The following BDKRB2 variants were observed in gnomAD, a reference collection of about 807,000 sequenced individuals.
BDKRB2 encodes the protein B2 bradykinin receptor.
BDKRB2 carries 6 observed loss-of-function variants against 4.0 expected under a neutral mutation model. That is an observed-to-expected ratio of 1.49 (90% confidence interval 0.81 to 2.93). BDKRB2 has a LOEUF of 2.93. BDKRB2 is among the 30% of genes most tolerant of loss of function. The pLI is 0.00. For synonymous variants in BDKRB2, 225 were observed against 215.3 expected, an observed-to-expected ratio of 1.05 and a Z score of -0.40; for missense variants, 478 against 520.1, an observed-to-expected ratio of 0.92 and a Z score of 0.79.
In BDKRB2 at chr14:96,228,640, G is replaced by A. The variant is rs948741209; in HGVS notation, c.-39-8429G>A. Among the ~76,000 whole-genome samples, 9 of 152,216 alleles carry A rather than the reference G, an allele frequency of 5.9e-5. No homozygotes were observed. The East Asian group carries it at 1.7e-3, about 29-fold the overall frequency. ...GGGTTTTTATGGGTATAGGATGGGG[G>A]GCATGGTGGGCCAGGGTGGTTTTGG... On this transcript the variant is annotated intron_variant, in intron 1 of 2. Coordinates refer to ENST00000554311, the MANE Select transcript of BDKRB2 (RefSeq NM_001379692.1).
At chr14:96,239,705 T>C (rs1280454176) in intron 2 of BDKRB2, 88 of 938,500 alleles carry the variant, frequency 9.4e-5, no homozygotes, top group Admixed American at 1.2e-4. Flanking sequence ...GGTGAGGTCA[T>C]TGTGGTTCAA....
At chr14:96,223,756 C>A (rs1346700369) in intron 1 of BDKRB2, among the ~76,000 whole-genome samples, 1 of 151,810 alleles carries the variant, frequency 6.6e-6, no homozygotes, top group Non-Finnish European at 1.5e-5. Context: ...GGAAACTTTC[C>A]ATTTTATTCA....
chr14:96,231,258 G>C (rs960436533), intron 1 of BDKRB2, among the ~76,000 whole-genome samples: 1 of 152,148 alleles, frequency 6.6e-6, no homozygotes, highest in African/African-American at 2.4e-5. Flanking sequence ...CCCATAAAGT[G>C]TCCAAATGCT....
At position 96,231,514 on chromosome 14, in the gene BDKRB2, G is replaced by C. The variant is rs369470247; in HGVS notation, c.-39-5555G>C. Among the ~76,000 whole-genome samples, 11 of 152,286 alleles carry C rather than the reference G, an allele frequency of 7.2e-5. No individual in the cohort carries two copies. In the East Asian group the frequency reaches 2.1e-3, roughly 29 times the overall value. On this transcript the variant is annotated intron_variant, in intron 1 of 2. Transcript: ENST00000554311. Reference sequence around the variant, plus strand: ...CACCCCCTTCCGCCACCCCCTGCCTGCTGTGGCCTGAGGCTTACCTTCGTG... The same window carrying C: ...CACCCCCTTCCGCCACCCCCTGCCTCCTGTGGCCTGAGGCTTACCTTCGTG...
rs572406208 is a variant in BDKRB2 at position 96,221,463 on chromosome 14, G to A, written c.-39-15606G>A. Among the ~76,000 whole-genome samples, 14 of 152,174 alleles carry A rather than the reference G, an allele frequency of 9.2e-5. No individual in the cohort carries two copies. In the East Asian group the frequency reaches 1.5e-3, roughly 17 times the overall value. ...AATGTGGGCACAGTCCTAGCCCCTC[G>A]CTCAAGTAGGGTATGCGAGGACTCA... On this transcript the variant is annotated intron_variant, in intron 1 of 2. Coordinates refer to ENST00000554311, the MANE Select transcript of BDKRB2 (RefSeq NM_001379692.1).
rs201423731 is a variant in BDKRB2 at position 96,244,003 on chromosome 14, G to A, written c.*2499G>A. On this transcript the variant is annotated 3_prime_UTR_variant, in exon 3 of 3. Transcript: ENST00000554311. The stretch of plus-strand genomic sequence containing the variant: ...GCAACTGAGTCTGCGGGAGAAGAGC[G>A]GCCCTATGCATGGTGTAGATGCCCT... The A allele has an allele frequency of 4.3e-5, 17 of 392,706 alleles. No individual in the cohort carries two copies. Among genetic ancestry groups the A allele is most frequent in the Non-Finnish European group, 6.7e-5 (15 of 222,914 alleles). 24.3% of individuals were successfully genotyped at this position (392,706 alleles called of 1,614,324 possible).
chr14:96,209,537 GAA>G (rs1007821586), intron 1 of BDKRB2, among the ~76,000 whole-genome samples: 4 of 152,128 alleles, frequency 2.6e-5, no homozygotes, highest in African/African-American at 9.7e-5. Context: ...GGGAAAGAAG[GAA>G]AAATCGGGGG....
At chr14:96,235,764 C>A (rs1042666455) in intron 1 of BDKRB2, among the ~76,000 whole-genome samples, 1 of 152,228 alleles carries the variant, frequency 6.6e-6, no homozygotes. Flanking sequence ...TGGGATGTGG[C>A]AGATCCGTGG....
rs117408228 is a variant in BDKRB2 at position 96,222,962 on chromosome 14, G to T, written c.-39-14107G>T. ...CTTTATAGTTCTATTGGACATCACC[G>T]ACCGCTCTAGGCTATGGAAAATTCT... is the stretch of plus-strand genomic sequence containing the variant. On this transcript the variant is annotated intron_variant, in intron 1 of 2. Coordinates refer to ENST00000554311, the MANE Select transcript of BDKRB2 (RefSeq NM_001379692.1). The T allele has an allele frequency of 2.6e-3, 1,467 of 561,004 alleles. 24 individuals are homozygous for T. In the East Asian group the frequency reaches 0.039, roughly 15 times the overall value. 34.8% of individuals were successfully genotyped at this position (561,004 alleles called of 1,614,324 possible). A position where few individuals can be genotyped will look rare whatever the true frequency, so the allele number is the denominator to read the frequency against.
At position 96,223,445 on chromosome 14, in the gene BDKRB2, C is replaced by T. The variant is rs1890623310; in HGVS notation, c.-39-13624C>T. Reference sequence around the variant, plus strand: ...TATTATGTTGCCTTCTTGTTTCTCACTTTGATATTTAAAAGATGTTCAATA... The same window carrying T: ...TATTATGTTGCCTTCTTGTTTCTCATTTTGATATTTAAAAGATGTTCAATA... On this transcript the variant is annotated intron_variant, in intron 1 of 2. Coordinates refer to ENST00000554311, the MANE Select transcript of BDKRB2 (RefSeq NM_001379692.1). The T allele has an allele frequency of 1.0e-5, 7 of 681,108 alleles. No homozygotes were observed. The Admixed American group carries it at 1.5e-4, about 15-fold the overall frequency. The allele number at this position is 681,108 out of a possible 1,614,324, so 42.2% of individuals were successfully genotyped here. A position where few individuals can be genotyped will look rare whatever the true frequency, so the allele number is the denominator to read the frequency against.
chr14:96,222,838 T>C (rs1890606037), intron 1 of BDKRB2, among the ~76,000 whole-genome samples: 1 of 152,160 alleles, frequency 6.6e-6, no homozygotes, highest in Non-Finnish European at 1.5e-5. Flanking sequence ...TTGGATATAT[T>C]TGATTATATC....
At chr14:96,234,996 C>T (rs1432979805) in intron 1 of BDKRB2, among the ~76,000 whole-genome samples, 2 of 152,200 alleles carry the variant, frequency 1.3e-5, no homozygotes, top group Non-Finnish European at 2.9e-5. Flanking sequence ...CTTCATTCTT[C>T]CCCTCTGAAT....
In BDKRB2 at chr14:96,243,545, G is replaced by GGCTAGAACCTGGCAA. The variant is rs974155269; in HGVS notation, c.*2054_*2068dup. 2 of 152,242 alleles carry GGCTAGAACCTGGCAA rather than the reference G, an allele frequency of 1.3e-5. No individual in the cohort carries two copies. The highest frequency in any genetic ancestry group is 6.5e-5 in the Admixed American group (1 of 15,284). The allele number at this position is 152,242 out of a possible 1,614,324, so 9.4% of individuals were successfully genotyped here. ...GAACATGGAGAGCTAGAACCCGGCA[G>GGCTAGAACCTGGCAA]GCTAGAACCTGGCAAGCTAGAACCT... On this transcript the variant is annotated 3_prime_UTR_variant, in exon 3 of 3. Transcript: ENST00000554311.
chr14:96,238,891 G>C lies in BDKRB2; in HGVS notation c.75-1512G>C, dbSNP rs1480679128. The stretch of plus-strand genomic sequence containing the variant: ...GAGTCAGGCAGGGCAGGGGCCGGGT[G>C]GTGTCTTCTTTGTGTTCTTGCACTC... On this transcript the variant is annotated intron_variant, in intron 2 of 2. Transcript: ENST00000554311. The C allele has an allele frequency of 4.1e-6, 4 of 986,364 alleles. No individual in the cohort carries two copies. In the African/African-American group the frequency reaches 7.0e-5, roughly 17 times the overall value. The allele number at this position is 986,364 out of a possible 1,614,324, so 61.1% of individuals were successfully genotyped here.
chr14:96,241,342 C>T lies in BDKRB2; in HGVS notation c.1014C>T (p.Arg338=). ...NPLVYVIVGK[R]FRKKSWEVYQ... ...TGGTGTACGTGATCGTGGGCAAGCGCTTCCGAAAGAAGTCTTGGGAGGTGT... is the reference window on the plus strand; with the variant it reads ...TGGTGTACGTGATCGTGGGCAAGCGTTTCCGAAAGAAGTCTTGGGAGGTGT... The change falls in exon 3 of 3, where the codon CGC becomes CGT. Residue 338 remains arginine, a synonymous_variant. Transcript: ENST00000554311. 2 of 1,614,032 alleles carry T rather than the reference C, an allele frequency of 1.2e-6. No individual in the cohort carries two copies. The highest frequency in any genetic ancestry group is 1.1e-5 in the South Asian group (1 of 91,066).
Position 96,204,842 on chromosome 14 carries a change from C to A in BDKRB2, c.-157C>A, listed in dbSNP as rs1362214371. The A allele has an allele frequency of 2.3e-5, 9 of 386,780 alleles. No individual in the cohort carries two copies. The highest frequency in any genetic ancestry group is 1.6e-4 in the South Asian group (9 of 56,040). The allele number at this position is 386,780 out of a possible 1,614,324, so 24.0% of individuals were successfully genotyped here. On this transcript the variant is annotated 5_prime_UTR_variant, in exon 1 of 3. Transcript: ENST00000554311. ...AAGATGAGCTGTTCCCGCCGCCACT[C>A]CAGCTCTGGCTTCTGGGCTCCGAGG...
At position 96,238,288 on chromosome 14, in the gene BDKRB2, T is replaced by A. The variant is rs199694754; in HGVS notation, c.74+1107T>A. ...ACATGGCGGCTCACATCCTTCCAAG[T>A]AAGCAATGCAAAAGGCCAAGAAAGA... On this transcript the variant is annotated intron_variant, in intron 2 of 2. Transcript: ENST00000554311. 1.1e-4 allele frequency: 50 copies of A among 441,978 alleles called. 1 individual carries two copies. The East Asian group carries it at 3.8e-3, about 34-fold the overall frequency. The allele number at this position is 441,978 out of a possible 1,614,324, so 27.4% of individuals were successfully genotyped here.
chr14:96,241,666 T>G lies in BDKRB2; in HGVS notation c.*162T>G. ...AGACTAATTCCTGCCCTGCCCAATT[T>G]TGCAGGGAGCATGGCTGTGAGGATG... On this transcript the variant is annotated 3_prime_UTR_variant, in exon 3 of 3. Coordinates refer to ENST00000554311, the MANE Select transcript of BDKRB2 (RefSeq NM_001379692.1). The G allele has an allele frequency of 8.0e-7, 1 of 1,251,532 alleles. No individual in the cohort carries two copies. Among genetic ancestry groups the G allele is most frequent in the Non-Finnish European group, 1.1e-6 (1 of 952,196 alleles). The allele number at this position is 1,251,532 out of a possible 1,614,324, so 77.5% of individuals were successfully genotyped here.
Position 96,241,699 on chromosome 14 carries a change from C to A in BDKRB2, c.*195C>A. On this transcript the variant is annotated 3_prime_UTR_variant, in exon 3 of 3. Transcript: ENST00000554311. ...AGCATGGCTGTGAGGATGGGGTGAA[C>A]TCACGCACAGCCAAGGACTCCAAAA... The A allele has an allele frequency of 3.4e-6, 3 of 886,516 alleles. No homozygotes were observed. Among genetic ancestry groups the A allele is most frequent in the East Asian group, 5.8e-5 (2 of 34,774 alleles). 54.9% of individuals were successfully genotyped at this position (886,516 alleles called of 1,614,324 possible).
Sources: allele counts gnomAD v4.1 joint callset (sites outside exome capture counted in the v4.1 genomes callset), GRCh38; gene constraint gnomAD v4.1.1; transcripts MANE v1.5; gene names NCBI Gene and HGNC (gene_info 2026-07-23, HGNC 2026-07-21).